SUCLG2: variants seen among roughly 807,000 people sequenced by gnomAD.
SUCLG2 encodes the protein succinate--CoA ligase [GDP-forming] subunit beta, mitochondrial.
A neutral mutation model predicts 47.9 loss-of-function variants in SUCLG2; 42 were observed. That is an observed-to-expected ratio of 0.88 (90% CI 0.69 to 1.14). The LOEUF (loss-of-function observed/expected upper bound fraction) is 1.14. Ranked by LOEUF, SUCLG2 falls within the 50% of genes most tolerant of loss-of-function variation. The pLI, the probability that SUCLG2 is intolerant of heterozygous loss-of-function variation, is 0.00. For synonymous variants in SUCLG2, 195 were observed against 197.3 expected (o/e 0.99, Z 0.10); for missense variants, 571 against 525.9 (o/e 1.09, Z -0.84).
chr3:67,609,146 G>A (rs1354784566), intron 2 of SUCLG2, among the ~76,000 whole-genome samples: 1 of 152,180 alleles, frequency 6.6e-6, no homozygotes, highest in Non-Finnish European at 1.5e-5. Flanking sequence ...CCTACACCCA[G>A]GCCATCACAC....
At chr3:67,364,427 A>AC (rs71109883) in intron 10 of SUCLG2, among the ~76,000 whole-genome samples, 10 of 149,550 alleles carry the variant, frequency 6.7e-5, no homozygotes, top group African/African-American at 2.2e-4. Flanking sequence ...CAGGACTTCC[A>AC]CCCCCCCCAC....
intron 4 of SUCLG2, among the ~76,000 whole-genome samples, chr3:67,523,938 A>C (rs1242717347): frequency 6.6e-6 from 1 of 152,226 alleles, no homozygotes; most frequent in East Asian, 1.9e-4. Flanking sequence ...CGTGCTCTGT[A>C]TTCCACCAAA....
chr3:67,394,238 A>C (rs1051789271), intron 10 of SUCLG2, among the ~76,000 whole-genome samples: 1 of 152,144 alleles, frequency 6.6e-6, no homozygotes, highest in Admixed American at 6.5e-5. Flanking sequence ...TACAGGAGGA[A>C]ATTCAAACCA....
At chr3:67,477,502 G>T (rs1256478242) in intron 9 of SUCLG2, among the ~76,000 whole-genome samples, 2 of 152,136 alleles carry the variant, frequency 1.3e-5, no homozygotes, top group Non-Finnish European at 2.9e-5. Context: ...CAAGGCCAGG[G>T]TGGCCAACAT....
chr3:67,416,465 A>G (rs1351551461), intron 9 of SUCLG2, among the ~76,000 whole-genome samples: 2 of 152,202 alleles, frequency 1.3e-5, no homozygotes, highest in Non-Finnish European at 2.9e-5. Flanking sequence ...AAATCCCACT[A>G]TAATAATACT....
chr3:67,633,699 G>GT (rs1221506477), intron 1 of SUCLG2, among the ~76,000 whole-genome samples: 1 of 152,042 alleles, frequency 6.6e-6, no homozygotes, highest in Non-Finnish European at 1.5e-5. Context: ...ACAAAACTTT[G>GT]TTAGGCAGAA....
At chr3:67,373,790 G>A (rs1701985512), downstream of SUCLG2, among the ~76,000 whole-genome samples, 1 of 151,940 alleles carries the variant, frequency 6.6e-6, no homozygotes, top group Admixed American at 6.6e-5. Flanking sequence ...TTCTGAGGAT[G>A]CTAAATTTGA....
intron 10 of SUCLG2, among the ~76,000 whole-genome samples, chr3:67,361,949 C>A (rs1701808623): frequency 6.6e-6 from 1 of 152,140 alleles, no homozygotes; most frequent in South Asian, 2.1e-4. Context: ...CCAAGCTGCC[C>A]AGGTGTTCCA....
chr3:67,406,503 T>C (rs907814200), intron 9 of SUCLG2, among the ~76,000 whole-genome samples: 1 of 151,790 alleles, frequency 6.6e-6, no homozygotes, highest in South Asian at 2.1e-4. Flanking sequence ...TAAGCTAGAG[T>C]CTGAAGGGCA....
chr3:67,496,816 A>G (rs1457219442), intron 8 of SUCLG2, among the ~76,000 whole-genome samples: 1 of 152,116 alleles, frequency 6.6e-6, no homozygotes, highest in Non-Finnish European at 1.5e-5. Flanking sequence ...AAAACTCCAG[A>G]ACACAGCAGA....
chr3:67,518,147 T>A (rs1273040891), intron 6 of SUCLG2, 100 bp downstream of exon 6: 1 of 963,242 alleles, frequency 1.0e-6, no homozygotes. Flanking sequence ...CAATAAATAA[T>A]CCTGTTTCCT....
intron 2 of SUCLG2, among the ~76,000 whole-genome samples, chr3:67,608,126 C>T (rs1041634680): frequency 6.6e-6 from 1 of 152,184 alleles, no homozygotes; most frequent in Non-Finnish European, 1.5e-5. Flanking sequence ...GAAGGCAAAA[C>T]ACTGAAGCAA....
At chr3:67,394,728 A>G (rs1471567948) in intron 10 of SUCLG2, among the ~76,000 whole-genome samples, 1 of 151,246 alleles carries the variant, frequency 6.6e-6, no homozygotes, top group Non-Finnish European at 1.5e-5. Flanking sequence ...TGTCAGATTC[A>G]CCAAAGTTGA....
intron 9 of SUCLG2, among the ~76,000 whole-genome samples, chr3:67,412,832 G>A (rs1239835406): frequency 1.3e-5 from 2 of 152,092 alleles, no homozygotes; most frequent in African/African-American, 4.8e-5. Context: ...CATATACTGT[G>A]AGATGAGTGT....
At chr3:67,390,809 A>G (rs899225009) in intron 10 of SUCLG2, among the ~76,000 whole-genome samples, 1 of 152,228 alleles carries the variant, frequency 6.6e-6, no homozygotes, top group Non-Finnish European at 1.5e-5. Context: ...CGCAGTAAAC[A>G]AAATGTTTTG....
Position 67,380,707 on chromosome 3 carries a change from TAG to T in SUCLG2, c.1184-4850_1184-4849del, listed in dbSNP as rs78636556. 7.8e-3 allele frequency among the ~76,000 whole-genome samples: 1,180 copies of T among 150,452 alleles called. 4 individuals are homozygous for T. The highest frequency in any genetic ancestry group is 0.02 in the Middle Eastern group (6 of 294). On this transcript the variant is annotated intron_variant, in intron 10 of 10. Coordinates refer to ENST00000307227, the MANE Select transcript of SUCLG2 (RefSeq NM_003848.4). ...GGGGGTAGAGAGAGAGAGAGGGAGA[TAG>T]AGAGAGAGACAAATGAAGAGAGAGA...
At chr3:67,637,590 T>C (rs1701031125) in intron 1 of SUCLG2, among the ~76,000 whole-genome samples, 1 of 152,232 alleles carries the variant, frequency 6.6e-6, no homozygotes, top group Non-Finnish European at 1.5e-5. Context: ...TAAGGGTTTA[T>C]ATAAATACAC....
chr3:67,388,403 G>GGA lies in SUCLG2; in HGVS notation c.1183+12326_1183+12327dup, dbSNP rs564393102. On this transcript the variant is annotated intron_variant, in intron 10 of 10. Coordinates refer to ENST00000307227, the MANE Select transcript of SUCLG2 (RefSeq NM_003848.4). ...GGCATCTTGTGTGATAAACGTCCTC[G>GGA]GATAGATACAGGGTCTCACACTCAA... Among the ~76,000 whole-genome samples, 22 of 152,200 alleles carry GGA rather than the reference G, an allele frequency of 1.4e-4. No homozygotes were observed. In the East Asian group the frequency reaches 3.3e-3, roughly 23 times the overall value.
downstream of SUCLG2, among the ~76,000 whole-genome samples, chr3:67,371,952 G>A (rs1701960683): frequency 2.0e-5 from 3 of 152,172 alleles, no homozygotes; most frequent in South Asian, 6.2e-4. Context: ...AATTAGGATA[G>A]CACAGGTAAA....
Sources: gnomAD v4.1 joint callset for allele counts (sites outside exome capture counted in the v4.1 genomes callset) on GRCh38, gnomAD v4.1.1 for gene constraint, MANE v1.5 for transcripts, NCBI Gene and HGNC (gene_info 2026-07-23, HGNC 2026-07-21) for gene names.